TENM1: variants seen among roughly 807,000 people sequenced by gnomAD.
TENM1 encodes the protein teneurin transmembrane protein 1.
Under a neutral mutation model 174.8 loss-of-function variants are expected in TENM1, and 35 were observed. That is an observed-to-expected ratio of 0.20 (90% CI 0.15 to 0.27). The LOEUF is 0.27. TENM1 is among the 10% of genes least tolerant of loss of function. The pLI is 1.00. For missense variants in TENM1, 1,633 were observed against 2,130.1 expected (o/e 0.77, Z 4.59); for synonymous variants, 781 against 798.7 (o/e 0.98, Z 0.37).
chrX:124,845,240 T>C (rs1292628605), intron 3 of TENM1, among the ~76,000 whole-genome samples: 1 of 112,026 alleles, frequency 8.9e-6, no homozygotes, highest in African/African-American at 3.2e-5. Context: ...CTAAGACACA[T>C]ATCCAGCACA....
the TENM1 span, among the ~76,000 whole-genome samples, chrX:125,149,205 G>C: frequency 8.9e-6 from 1 of 112,276 alleles, no homozygotes; most frequent in South Asian, 3.7e-4. Flanking sequence ...TCTGCAGTGT[G>C]GAATGGATGT....
At chrX:124,863,441 A>ATG (rs2056949102) in intron 3 of TENM1, among the ~76,000 whole-genome samples, 3 of 110,973 alleles carry the variant, frequency 2.7e-5, no homozygotes, top group African/African-American at 9.8e-5. Flanking sequence ...GCTGATTTAA[A>ATG]AGACCCTCTG....
chrX:124,578,544 G>C (rs1458605905), intron 11 of TENM1, among the ~76,000 whole-genome samples: 2 of 111,484 alleles, frequency 1.8e-5, no homozygotes, highest in Non-Finnish European at 3.8e-5. Flanking sequence ...GTTGGTACAA[G>C]GAACAAATGA....
chrX:124,496,921 T>G, intron 20 of TENM1, 95 bp downstream of exon 23: 1 of 977,145 alleles, frequency 1.0e-6, no homozygotes, highest in Non-Finnish European at 1.4e-6. Context: ...GGCAACTACA[T>G]TTTCTGCTTC....
intron 30 of TENM1, among the ~76,000 whole-genome samples, chrX:124,383,146 C>T (rs1603243525): frequency 9.1e-6 from 1 of 109,500 alleles, no homozygotes; most frequent in African/African-American, 3.3e-5. Flanking sequence ...GGGGTTTCAC[C>T]ATGTTGGCCA....
chrX:124,486,807 C>G (rs1005394761), intron 21 of TENM1, among the ~76,000 whole-genome samples: 2 of 111,816 alleles, frequency 1.8e-5, no homozygotes, highest in Non-Finnish European at 3.8e-5. Flanking sequence ...TCTTAATACA[C>G]TTAAAAACTG....
the TENM1 span, among the ~76,000 whole-genome samples, chrX:125,094,977 G>A: frequency 2.7e-5 from 3 of 112,038 alleles, no homozygotes. Flanking sequence ...TGCTTCACTT[G>A]AATACACTTC....
the TENM1 span, among the ~76,000 whole-genome samples, chrX:125,112,969 T>C: frequency 9.0e-5 from 10 of 110,575 alleles, no homozygotes; most frequent in East Asian, 2.5e-3. Context: ...TACATGACAA[T>C]GCAAAGGACC....
chrX:124,494,518 T>TA (rs1178138470), intron 20 of TENM1, among the ~76,000 whole-genome samples: 14 of 105,806 alleles, frequency 1.3e-4, no homozygotes, highest in African/African-American at 5.1e-4. Context: ...TTTATTTATT[T>TA]TTTATTATTA....
chrX:124,850,610 G>A (rs1181159874), intron 3 of TENM1, among the ~76,000 whole-genome samples: 1 of 111,132 alleles, frequency 9.0e-6, no homozygotes, highest in African/African-American at 3.3e-5. Context: ...AAGGCCAGAG[G>A]AGGAATGACT....
chrX:124,928,455 C>T (rs749486613), intron 1 of TENM1, among the ~76,000 whole-genome samples: 1 of 111,904 alleles, frequency 8.9e-6, no homozygotes, highest in South Asian at 3.7e-4. Context: ...AACATCTGTA[C>T]AGATTGAAGC....
chrX:124,797,017 GAT>G (rs1487775332), intron 3 of TENM1, among the ~76,000 whole-genome samples: 1 of 111,644 alleles, frequency 9.0e-6, no homozygotes, highest in Non-Finnish European at 1.9e-5. Flanking sequence ...AGTTGAAAGA[GAT>G]ATAGTCATTT....
At chrX:125,077,656 C>T in the TENM1 span, among the ~76,000 whole-genome samples, 1 of 111,256 alleles carries the variant, frequency 9.0e-6, no homozygotes, top group Non-Finnish European at 1.9e-5. Flanking sequence ...TTACCACTTC[C>T]TCCTCCCAAT....
intron 3 of TENM1, among the ~76,000 whole-genome samples, chrX:124,739,853 T>G (rs1277379174): frequency 8.9e-6 from 1 of 112,355 alleles, no homozygotes; most frequent in Non-Finnish European, 1.9e-5. Context: ...AATCTTTTGC[T>G]AATAGAAGAG....
intron 11 of TENM1, among the ~76,000 whole-genome samples, chrX:124,608,403 G>C (rs1244036115): frequency 9.0e-6 from 1 of 111,394 alleles, no homozygotes; most frequent in African/African-American, 3.3e-5. Context: ...TGCTTACTCA[G>C]AGTGATGCCT....
intron 25 of TENM1, among the ~76,000 whole-genome samples, chrX:124,418,719 C>T (rs2060620132): frequency 8.9e-6 from 1 of 112,147 alleles, no homozygotes; most frequent in Admixed American, 9.5e-5. Context: ...CTTTTGAAAA[C>T]TAGTTAATAC....
chrX:125,016,003 T>C, the TENM1 span, among the ~76,000 whole-genome samples: 1 of 111,755 alleles, frequency 8.9e-6, no homozygotes, highest in Admixed American at 9.5e-5. Flanking sequence ...TTAGTTTGAA[T>C]GTTCTAAAAT....
At chrX:125,090,366 C>A in the TENM1 span, among the ~76,000 whole-genome samples, 2 of 111,431 alleles carry the variant, frequency 1.8e-5, no homozygotes, top group Non-Finnish European at 3.8e-5. Flanking sequence ...TATGCAAAGG[C>A]CAGATACGGT....
chrX:124,382,938 CTATTTATTTATT>C (rs3028397), intron 30 of TENM1, 126 bp from the exon 34 acceptor site: 1,849 of 139,940 alleles, frequency 0.013, 117 homozygotes, highest in Non-Finnish European at 0.019. Flanking sequence ...AATAAAACTC[CTATTTATTTATT>C]TATTTATTTA....
Sources: gnomAD v4.1 joint callset for allele counts (sites outside exome capture counted in the v4.1 genomes callset) on GRCh38, gnomAD v4.1.1 for gene constraint, MANE v1.5 for transcripts, NCBI Gene and HGNC (gene_info 2026-07-23, HGNC 2026-07-21) for gene names.